The following CTNND2 variants were observed in gnomAD, a reference collection of about 807,000 sequenced individuals.
The protein encoded by CTNND2 is catenin delta 2, also known as catenin delta-2.
In CTNND2, 22 loss-of-function variants were observed where a neutral mutation model predicts 144.4. That is an observed-to-expected ratio of 0.15 (90% CI 0.11 to 0.22). The LOEUF is 0.22. Ranked by LOEUF, CTNND2 falls within the 10% of genes least tolerant of loss-of-function variation. The pLI is 1.00. For synonymous variants in CTNND2, 751 were observed against 695.6 expected, an observed-to-expected ratio of 1.08 and a Z score of -1.25; for missense variants, 1,353 against 1,618.8, an observed-to-expected ratio of 0.84 and a Z score of 2.82.
At chr5:11,529,580 G>C (rs978893024) in intron 3 of CTNND2, among the ~76,000 whole-genome samples, 1 of 152,194 alleles carries the variant, frequency 6.6e-6, no homozygotes, top group Admixed American at 6.5e-5. Flanking sequence ...ATAAAGCTTA[G>C]TTTGGAAACT....
intron 7 of CTNND2, among the ~76,000 whole-genome samples, chr5:11,381,134 A>G (rs1033934332): frequency 1.3e-5 from 2 of 152,140 alleles, no homozygotes; most frequent in African/African-American, 4.8e-5. Flanking sequence ...ATATACATCA[A>G]GAACTATAAT....
At chr5:11,185,693 C>T (rs1272309497) in intron 11 of CTNND2, among the ~76,000 whole-genome samples, 14 of 152,070 alleles carry the variant, frequency 9.2e-5, no homozygotes, top group Admixed American at 5.9e-4. Context: ...CATCCTCTAA[C>T]GGATAACCAA....
intron 1 of CTNND2, among the ~76,000 whole-genome samples, chr5:11,799,054 T>G (rs763840454): frequency 6.6e-6 from 1 of 152,168 alleles, no homozygotes; most frequent in Non-Finnish European, 1.5e-5. Flanking sequence ...CAATATTCTT[T>G]TTTCCTTGCT....
chr5:11,291,978 T>C (rs1748398544), intron 9 of CTNND2, among the ~76,000 whole-genome samples: 2 of 152,042 alleles, frequency 1.3e-5, no homozygotes, highest in South Asian at 2.1e-4. Flanking sequence ...TCCTGACCTA[T>C]CCACCCCATA....
intron 1 of CTNND2, among the ~76,000 whole-genome samples, chr5:11,777,612 G>A (rs1439615117): frequency 2.0e-5 from 3 of 152,120 alleles, no homozygotes; most frequent in Non-Finnish European, 4.4e-5. Context: ...TTGGGAAATG[G>A]GGGGGCTTCT....
At chr5:11,038,281 A>G (rs1350040303) in intron 16 of CTNND2, among the ~76,000 whole-genome samples, 4 of 152,184 alleles carry the variant, frequency 2.6e-5, no homozygotes, top group Non-Finnish European at 5.9e-5. Flanking sequence ...GCAGCAGGTG[A>G]GCGAGAATTA....
chr5:11,683,711 C>G (rs1275800000), intron 2 of CTNND2, among the ~76,000 whole-genome samples: 5 of 152,194 alleles, frequency 3.3e-5, no homozygotes, highest in Non-Finnish European at 1.5e-5. Flanking sequence ...AAGTGAGTTT[C>G]TCATCTCTCT....
chr5:11,128,438 A>C (rs989383152), intron 12 of CTNND2, among the ~76,000 whole-genome samples: 2 of 152,008 alleles, frequency 1.3e-5, no homozygotes, highest in African/African-American at 4.8e-5. Context: ...CAGTGAGTCC[A>C]GTGTCTGAAG....
intron 1 of CTNND2, among the ~76,000 whole-genome samples, chr5:11,892,193 T>C (rs1324315758): frequency 6.6e-6 from 1 of 152,104 alleles, no homozygotes; most frequent in African/African-American, 2.4e-5. Context: ...CTTTTCCACA[T>C]GCAGCTTAGC....
Position 11,663,314 on chromosome 5 carries a change from A to G in CTNND2, c.174+68822T>C, listed in dbSNP as rs1783380826. Among the ~76,000 whole-genome samples the G allele has an allele frequency of 2.0e-5, 3 of 152,214 alleles. No homozygotes were observed. The South Asian group carries it at 6.2e-4, about 31-fold the overall frequency. ...AGACAATCAAATTTTCCCATTAAAG[A>G]GAAGATATTCAATCATGAAATTGAG... On this transcript the variant is annotated intron_variant, in intron 2 of 21. Coordinates refer to ENST00000304623, the MANE Select transcript of CTNND2 (RefSeq NM_001332.4).
At chr5:11,190,820 T>A (rs2149814301) in intron 11 of CTNND2, among the ~76,000 whole-genome samples, 1 of 152,218 alleles carries the variant, frequency 6.6e-6, no homozygotes, top group East Asian at 1.9e-4. Flanking sequence ...TGCCAAGTCC[T>A]GTTCTAGAAT....
intron 3 of CTNND2, among the ~76,000 whole-genome samples, chr5:11,557,159 T>C (rs1776298407): frequency 6.6e-6 from 1 of 152,220 alleles, no homozygotes. Context: ...ATATCTAACA[T>C]GACCGATTAC....
intron 3 of CTNND2, among the ~76,000 whole-genome samples, chr5:11,501,630 T>A (rs933800292): frequency 4.6e-4 from 70 of 152,122 alleles, no homozygotes; most frequent in African/African-American, 1.6e-3. Flanking sequence ...CTAATCCCAA[T>A]GTGACAGTTA....
chr5:11,436,534 T>C (rs956905054), intron 3 of CTNND2, among the ~76,000 whole-genome samples: 1 of 152,250 alleles, frequency 6.6e-6, no homozygotes, highest in Admixed American at 6.5e-5. Context: ...TATCTACTTT[T>C]TTCTTTATCG....
chr5:11,170,573 C>A (rs985901616), intron 11 of CTNND2, among the ~76,000 whole-genome samples: 21 of 152,000 alleles, frequency 1.4e-4, no homozygotes, highest in African/African-American at 5.1e-4. Context: ...CACACATACA[C>A]ACACATACAC....
Position 11,082,753 on chromosome 5 carries a change from C to T in CTNND2, c.2731G>A (p.Ala911Thr), listed in dbSNP as rs1188686094. ...ATGTTCCGCAGCGCAGTGGCCACCG[C>T]GCACACCACACGGTCATTGTCTATT... ...LRIDNDRVVC[A>T]VATALRNMAL... The change falls in exon 16 of 22, where the codon GCG becomes ACG. Residue 911 changes from alanine to threonine, a missense_variant. Physicochemically the swap from Ala to Thr is moderately conservative, Grantham distance 58. Coordinates refer to ENST00000304623, the MANE Select transcript of CTNND2 (RefSeq NM_001332.4). 5.6e-6 allele frequency: 9 copies of T among 1,614,046 alleles called. No individual in the cohort carries two copies. The highest frequency in any genetic ancestry group is 6.8e-6 in the Non-Finnish European group (8 of 1,180,040).
chr5:11,783,046 T>C (rs1376293205), intron 1 of CTNND2, among the ~76,000 whole-genome samples: 1 of 152,044 alleles, frequency 6.6e-6, no homozygotes, highest in Non-Finnish European at 1.5e-5. Flanking sequence ...TAGAACAAGC[T>C]ACCGGGGCTG....
chr5:11,880,571 T>C (rs1297697467), intron 1 of CTNND2, among the ~76,000 whole-genome samples: 1 of 15,422 alleles, frequency 6.5e-5, no homozygotes, highest in Non-Finnish European at 1.5e-4. Context: ...CTACTAGTAC[T>C]ACTACTACTA....
At chr5:11,375,624 CA>C (rs1338017467) in intron 7 of CTNND2, among the ~76,000 whole-genome samples, 2 of 152,094 alleles carry the variant, frequency 1.3e-5, no homozygotes, top group African/African-American at 2.4e-5. Flanking sequence ...TTCATTAAAA[CA>C]TTAATTTTCT....
Sources: gnomAD v4.1 joint callset for allele counts (sites outside exome capture counted in the v4.1 genomes callset) on GRCh38, gnomAD v4.1.1 for gene constraint, MANE v1.5 for transcripts, NCBI Gene and HGNC (gene_info 2026-07-23, HGNC 2026-07-21) for gene names.